The following NTRK3 variants were observed in gnomAD, a reference collection of about 807,000 sequenced individuals.
The protein encoded by NTRK3 is neurotrophic receptor tyrosine kinase 3, also known as NT-3 growth factor receptor.
In NTRK3, 24 loss-of-function variants were observed where a neutral mutation model predicts 91.7. The ratio of observed to expected loss-of-function variants is 0.26; its 90% confidence interval spans 0.19 to 0.37. The LOEUF (loss-of-function observed/expected upper bound fraction) is 0.37. NTRK3 is among the 10% of genes least tolerant of loss of function. The probability of loss-of-function intolerance (pLI) is 1.00; values close to 1 mark genes in which losing one functional copy is unlikely to be tolerated. For missense variants in NTRK3, 880 were observed against 1,068.9 expected (o/e 0.82, Z 2.46); for synonymous variants, 483 against 404.0 (o/e 1.20, Z -2.34).
intron 17 of NTRK3, among the ~76,000 whole-genome samples, chr15:87,919,423 C>T (rs988084720): frequency 6.6e-6 from 1 of 152,200 alleles, no homozygotes; most frequent in Non-Finnish European, 1.5e-5. Context: ...TCATCATGCC[C>T]TCTCCACGTC....
intron 14 of NTRK3, among the ~76,000 whole-genome samples, chr15:87,985,703 G>A (rs926922626): frequency 2.5e-4 from 38 of 152,146 alleles, no homozygotes; most frequent in Non-Finnish European, 4.0e-4. Context: ...AGCTCATGGC[G>A]TCATGCCCAC....
intron 5 of NTRK3, among the ~76,000 whole-genome samples, chr15:88,169,526 C>T (rs1303162625): frequency 2.0e-5 from 3 of 152,176 alleles, no homozygotes; most frequent in African/African-American, 7.2e-5. Context: ...GCCCTGATCC[C>T]CTCTTCTGCT....
intron 3 of NTRK3, among the ~76,000 whole-genome samples, chr15:88,251,734 G>C (rs1298639945): frequency 1.3e-5 from 2 of 152,248 alleles, no homozygotes; most frequent in Non-Finnish European, 1.5e-5. Flanking sequence ...GCAAGGCAAG[G>C]ACAGGCCCTC....
intron 18 of NTRK3, among the ~76,000 whole-genome samples, chr15:87,879,242 A>T (rs1596057441): frequency 6.6e-6 from 1 of 152,322 alleles, no homozygotes; most frequent in East Asian, 1.9e-4. Context: ...ATATTCAAAT[A>T]AGATTTCAAT....
intron 14 of NTRK3, among the ~76,000 whole-genome samples, chr15:87,944,342 A>G (rs1173117909): frequency 6.6e-6 from 1 of 152,216 alleles, no homozygotes; most frequent in African/African-American, 2.4e-5. Context: ...AGCTTCTTTC[A>G]CTGAACTTAC....
intron 17 of NTRK3, among the ~76,000 whole-genome samples, chr15:87,910,690 G>T (rs1322626278): frequency 6.6e-6 from 1 of 152,206 alleles, no homozygotes; most frequent in Non-Finnish European, 1.5e-5. Flanking sequence ...AACTTAAAAT[G>T]AGAGGAAGGA....
intron 13 of NTRK3, among the ~76,000 whole-genome samples, chr15:88,039,496 C>A (rs1187236298): frequency 6.6e-6 from 1 of 152,178 alleles, no homozygotes; most frequent in Non-Finnish European, 1.5e-5. Context: ...TGTCTTTCCC[C>A]ACAGAATGGT....
intron 13 of NTRK3, among the ~76,000 whole-genome samples, chr15:88,076,664 T>C (rs575701328): frequency 7.8e-4 from 80 of 102,276 alleles, no homozygotes; most frequent in African/African-American, 2.9e-3. Flanking sequence ...CAAGTAAGTA[T>C]ACATATGTAA....
At chr15:88,220,099 C>T (rs543974440) in intron 3 of NTRK3, among the ~76,000 whole-genome samples, 1 of 152,046 alleles carries the variant, frequency 6.6e-6, no homozygotes. Flanking sequence ...GCATAATCAG[C>T]AGACTAAAAT....
chr15:88,241,834 G>C lies in NTRK3; in HGVS notation c.248+14072C>G, dbSNP rs1389672316. On this transcript the variant is annotated intron_variant, in intron 3 of 18. Coordinates refer to ENST00000394480, the Ensembl canonical transcript of NTRK3. This position sits in a 1 kb window ranked among gnomAD's most constrained non-coding sequence, Gnocchi z 4.3. Reference sequence around the variant, plus strand: ...GAATCTGCCGTGCACTCTCAGCAAAGCTTGGCCCACCTCCCCTCTCCAGAG... The same window carrying C: ...GAATCTGCCGTGCACTCTCAGCAAACCTTGGCCCACCTCCCCTCTCCAGAG... Among the ~76,000 whole-genome samples the C allele has an allele frequency of 6.6e-6, 1 of 152,170 alleles. No homozygotes were observed. Among genetic ancestry groups the C allele is most frequent in the African/African-American group, 2.4e-5 (1 of 41,466 alleles).
chr15:88,040,193 C>G (rs941528397), intron 13 of NTRK3, among the ~76,000 whole-genome samples: 1 of 152,206 alleles, frequency 6.6e-6, no homozygotes, highest in Non-Finnish European at 1.5e-5. Context: ...GGAGGAAAGT[C>G]TTTGAAGAGG....
At chr15:87,890,049 C>G (rs2065775618) in intron 17 of NTRK3, among the ~76,000 whole-genome samples, 1 of 151,786 alleles carries the variant, frequency 6.6e-6, no homozygotes, top group African/African-American at 2.4e-5. Flanking sequence ...TTCACTGTAT[C>G]CCCATGGGTT....
At chr15:88,105,360 C>T (rs542504316) in intron 13 of NTRK3, among the ~76,000 whole-genome samples, 1 of 152,298 alleles carries the variant, frequency 6.6e-6, no homozygotes, top group East Asian at 1.9e-4. Context: ...GCCACTGCTA[C>T]CTTAAAGAGT....
At chr15:88,147,369 A>T (rs2151313185) in exon 6 of NTRK3, 1 of 1,613,854 alleles carries the variant, frequency 6.2e-7, no homozygotes, top group Non-Finnish European at 8.5e-7. Flanking sequence ...AAGAGCTGCC[A>T]CGAGAGTGTG....
At chr15:87,949,312 C>A (rs1005709136) in intron 14 of NTRK3, among the ~76,000 whole-genome samples, 2 of 152,020 alleles carry the variant, frequency 1.3e-5, no homozygotes, top group Non-Finnish European at 2.9e-5. Flanking sequence ...AGACCCACAT[C>A]CTAACCCTCA....
intron 13 of NTRK3, among the ~76,000 whole-genome samples, chr15:88,085,022 G>A (rs2048373296): frequency 6.6e-6 from 1 of 152,182 alleles, no homozygotes; most frequent in African/African-American, 2.4e-5. Context: ...AGAGAGTTTA[G>A]CATGAATTCT....
chr15:88,170,372 C>T (rs1312053102), intron 5 of NTRK3, among the ~76,000 whole-genome samples: 1 of 152,172 alleles, frequency 6.6e-6, no homozygotes, highest in African/African-American at 2.4e-5. Flanking sequence ...TTTAGTAAAA[C>T]CCAAGAGGAT....
At chr15:88,038,814 T>C (rs114816937) in intron 13 of NTRK3, among the ~76,000 whole-genome samples, 4,428 of 151,506 alleles carry the variant, frequency 0.029, 242 homozygotes, top group African/African-American at 0.1. Context: ...CTGTGCCAGG[T>C]TGAGAACCAC....
intron 17 of NTRK3, among the ~76,000 whole-genome samples, chr15:87,902,784 A>G (rs2066529860): frequency 1.3e-5 from 2 of 152,212 alleles, no homozygotes; most frequent in Non-Finnish European, 1.5e-5. Context: ...TTCTAGAAAT[A>G]CAATGTCTAT....
Sources: allele counts gnomAD v4.1 joint callset (sites outside exome capture counted in the v4.1 genomes callset), GRCh38; gene constraint gnomAD v4.1.1; non-coding constraint Gnocchi (gnomAD v3.1); transcripts MANE v1.5; gene names NCBI Gene and HGNC (gene_info 2026-07-23, HGNC 2026-07-21).